GTF2A1: variants seen among roughly 807,000 people sequenced by gnomAD.
GTF2A1 encodes the protein transcription initiation factor IIA subunit 1.
Under a neutral mutation model 54.1 loss-of-function variants are expected in GTF2A1, and 12 were observed. The ratio of observed to expected loss-of-function variants is 0.22; its 90% CI spans 0.14 to 0.36. The LOEUF is 0.36. Ranked by LOEUF, GTF2A1 falls within the 10% of genes least tolerant of loss-of-function variation. The probability of loss-of-function intolerance (pLI) is 1.00; values close to 1 mark genes in which losing one functional copy is unlikely to be tolerated. For missense variants in GTF2A1, 335 were observed against 442.2 expected (o/e 0.76, Z 2.17); for synonymous variants, 145 against 152.0 (o/e 0.95, Z 0.34).
rs1892903348 is a variant in GTF2A1, at chr14:81,192,727, G to A, written c.725C>T (p.Ala242Val). 1 of 1,613,862 alleles carries A rather than the reference G, an allele frequency of 6.2e-7. No individual in the cohort carries two copies. The highest frequency in any genetic ancestry group is 8.5e-7 in the Non-Finnish European group (1 of 1,179,694). ...KTQVIPTTVA[A>V]PTPAQAQITA... is the part of the protein sequence containing the mutation. ...TATCTGTGCTTGGGCTGGTGTAGGT[G>A]CTGCCACTGTCGTAGGTATAACTTG... The change falls in exon 7 of 9, where the codon GCA becomes GTA. Residue 242 changes from alanine (A) to valine (V), a missense_variant. Ala to Val is a moderately conservative substitution (Grantham distance 64). Transcript: ENST00000553612.
Position 81,182,354 on chromosome 14 carries a change from G to A in GTF2A1, c.1024-2024C>T, listed in dbSNP as rs559411129. Among the ~76,000 whole-genome samples, 10 of 152,196 alleles carry A rather than the reference G, an allele frequency of 6.6e-5. 1 individual carries two copies. Among genetic ancestry groups the A allele is most frequent in the Non-Finnish European group, 1.3e-4 (9 of 68,038 alleles). On this transcript the variant is annotated intron_variant, in intron 8 of 8. Coordinates refer to ENST00000553612, the MANE Select transcript of GTF2A1 (RefSeq NM_015859.4). The stretch of plus-strand genomic sequence containing the variant: ...CTAACGGACATACCAGACTTGGCAT[G>A]TCCAACCAGCTCCACATGCAGCTTT...
intron 2 of GTF2A1, among the ~76,000 whole-genome samples, chr14:81,205,124 T>A (rs1014452858): frequency 6.6e-6 from 1 of 152,112 alleles, no homozygotes; most frequent in Non-Finnish European, 1.5e-5. Context: ...TTTTTTATTT[T>A]TTTTTTTAAT....
At chr14:81,206,670 G>C (rs551481655) in intron 2 of GTF2A1, among the ~76,000 whole-genome samples, 1 of 152,164 alleles carries the variant, frequency 6.6e-6, no homozygotes, top group African/African-American at 2.4e-5. Context: ...GCTAAAGTGA[G>C]AACCGCTTTA....
intron 5 of GTF2A1, 105 bp from the exon 6 acceptor site, chr14:81,196,346 C>T: frequency 8.6e-7 from 1 of 1,163,944 alleles, no homozygotes; most frequent in South Asian, 1.3e-5. Flanking sequence ...AAGAAATTAT[C>T]AAGAAAACTA....
At chr14:81,210,836 T>TGAGACACCGCACCC (rs1893348422) in intron 2 of GTF2A1, among the ~76,000 whole-genome samples, 1 of 152,134 alleles carries the variant, frequency 6.6e-6, no homozygotes, top group Non-Finnish European at 1.5e-5. Context: ...ATTACAGGCA[T>TGAGACACCGCACCC]GAGACACCGC....
intron 2 of GTF2A1, among the ~76,000 whole-genome samples, chr14:81,204,689 T>C (rs1246661566): frequency 6.6e-6 from 1 of 152,240 alleles, no homozygotes; most frequent in Non-Finnish European, 1.5e-5. Flanking sequence ...ATCCCAACTC[T>C]CCACACTTCT....
At chr14:81,189,624 T>C (rs966411674) in intron 7 of GTF2A1, among the ~76,000 whole-genome samples, 12 of 151,860 alleles carry the variant, frequency 7.9e-5, no homozygotes, top group Non-Finnish European at 1.8e-4. Context: ...TGAGCAGAGA[T>C]AGTGCCACTG....
In GTF2A1 at chr14:81,220,763, T is replaced by G; in HGVS notation, c.-245A>C. 8.2e-6 allele frequency: 3 copies of G among 365,818 alleles called. No homozygotes were observed. Among genetic ancestry groups the G allele is most frequent in the Non-Finnish European group, 9.6e-6 (2 of 208,058 alleles). The allele number at this position is 365,818 out of a possible 1,614,324, so 22.7% of individuals were successfully genotyped here. A position where few individuals can be genotyped will look rare whatever the true frequency, so the allele number is the denominator to read the frequency against. ...AAAAAAAAAAAAAAAGCCACGACCC[T>G]TCAGGGGTCCGGGGGGCGTTGCCCG... On this transcript the variant is annotated 5_prime_UTR_variant, in exon 1 of 9. Coordinates refer to ENST00000553612, the MANE Select transcript of GTF2A1 (RefSeq NM_015859.4).
chr14:81,194,805 C>T (rs1175946394), intron 6 of GTF2A1, among the ~76,000 whole-genome samples: 2 of 152,212 alleles, frequency 1.3e-5, no homozygotes, highest in Non-Finnish European at 2.9e-5. Flanking sequence ...GTTGTTTAGG[C>T]TCTTCTCAGT....
Position 81,220,872 on chromosome 14 carries a change from C to G in GTF2A1, c.-354G>C, listed in dbSNP as rs923289994. 7.5e-6 allele frequency: 2 copies of G among 266,174 alleles called. No homozygotes were observed. Among genetic ancestry groups the G allele is most frequent in the Non-Finnish European group, 1.4e-5 (2 of 141,776 alleles). The allele number at this position is 266,174 out of a possible 1,614,324, so 16.5% of individuals were successfully genotyped here. A position where few individuals can be genotyped will look rare whatever the true frequency, so the allele number is the denominator to read the frequency against. On this transcript the variant is annotated 5_prime_UTR_variant, in exon 1 of 9. Transcript: ENST00000553612. The stretch of plus-strand genomic sequence containing the variant: ...CTGCCGCCACCGGCTGCAGCTCCAG[C>G]CGTCCGGTCCGCCCGCTTCTCTCCT...
intron 8 of GTF2A1, among the ~76,000 whole-genome samples, chr14:81,181,957 G>A (rs987571020): frequency 5.3e-5 from 8 of 152,106 alleles, no homozygotes; most frequent in African/African-American, 1.9e-4. Flanking sequence ...GCTTAAATAC[G>A]ATTAGAAACA....
At position 81,179,177 on chromosome 14, in the gene GTF2A1, A is replaced by T. The variant is rs998521543; in HGVS notation, c.*1046T>A. On this transcript the variant is annotated 3_prime_UTR_variant, in exon 9 of 9. Transcript: ENST00000553612. ...ACTTGTTGAATTAGAATAGATTTTT[A>T]AAATTCTTTACTAGTAAACACAAGA... The T allele has an allele frequency of 1.3e-5, 2 of 152,352 alleles. No homozygotes were observed. The highest frequency in any genetic ancestry group is 1.3e-4 in the Admixed American group (2 of 15,306). 9.4% of individuals were successfully genotyped at this position (152,352 alleles called of 1,614,324 possible).
intron 6 of GTF2A1, among the ~76,000 whole-genome samples, chr14:81,194,035 T>G (rs183054852): frequency 6.6e-6 from 1 of 152,352 alleles, no homozygotes; most frequent in East Asian, 1.9e-4. Context: ...GATCAAATAT[T>G]ACTTATATTA....
chr14:81,209,310 C>T (rs1244561902), intron 2 of GTF2A1, among the ~76,000 whole-genome samples: 1 of 152,194 alleles, frequency 6.6e-6, no homozygotes, highest in African/African-American at 2.4e-5. Context: ...TCCTCATTTT[C>T]TCTTGCCACT....
intron 8 of GTF2A1, among the ~76,000 whole-genome samples, chr14:81,183,830 C>T (rs1338890941): frequency 6.6e-6 from 1 of 152,156 alleles, no homozygotes; most frequent in African/African-American, 2.4e-5. Context: ...CTAAAATTGA[C>T]TCATTGTTGA....
intron 8 of GTF2A1, among the ~76,000 whole-genome samples, chr14:81,180,856 T>A (rs1324049139): frequency 6.6e-6 from 1 of 152,184 alleles, no homozygotes; most frequent in Non-Finnish European, 1.5e-5. Flanking sequence ...CTTTCCCAAA[T>A]CTTACCAGCT....
intron 8 of GTF2A1, among the ~76,000 whole-genome samples, chr14:81,182,306 C>A (rs1316405297): frequency 6.6e-6 from 1 of 152,190 alleles, no homozygotes; most frequent in Admixed American, 6.5e-5. Flanking sequence ...AATGTAGCAT[C>A]TTAAGATTGA....
At chr14:81,197,137 A>C (rs1328253433) in intron 5 of GTF2A1, 2 of 254,494 alleles carry the variant, frequency 7.9e-6, no homozygotes, top group Non-Finnish European at 1.5e-5. Context: ...GTAAAAAACT[A>C]AGTAAGCATT....
intron 1 of GTF2A1, among the ~76,000 whole-genome samples, chr14:81,219,012 C>T (rs1893546656): frequency 6.6e-6 from 1 of 151,948 alleles, no homozygotes; most frequent in South Asian, 2.1e-4. Flanking sequence ...AAAACCAAGT[C>T]CTCTGCAGCT....
Sources: allele counts gnomAD v4.1 joint callset (sites outside exome capture counted in the v4.1 genomes callset), GRCh38; gene constraint gnomAD v4.1.1; transcripts MANE v1.5; gene names NCBI Gene and HGNC (gene_info 2026-07-23, HGNC 2026-07-21).